Variants in DPP6 observed in about 807,000 individuals in gnomAD.
DPP6 encodes the protein dipeptidyl peptidase like 6, also known as A-type potassium channel modulatory protein DPP6.
Under a neutral mutation model 122.6 loss-of-function variants are expected in DPP6, and 69 were observed. That is an observed-to-expected ratio of 0.56 (90% CI 0.46 to 0.69). DPP6 has a LOEUF of 0.69. Among genes scored for constraint, DPP6 ranks in the 30% least tolerant of loss-of-function variants. DPP6 has a pLI of 0.00. For synonymous variants in DPP6, 418 were observed against 433.1 expected, an observed-to-expected ratio of 0.97 and a Z score of 0.43; for missense variants, 928 against 1,116.9, an observed-to-expected ratio of 0.83 and a Z score of 2.41.
chr7:153,806,193 C>T, the DPP6 span, among the ~76,000 whole-genome samples: 1 of 151,636 alleles, frequency 6.6e-6, no homozygotes, highest in Non-Finnish European at 1.5e-5. Flanking sequence ...CCTGTCCATT[C>T]AGCCAGAGTC....
At chr7:154,146,487 G>A (rs1318652583) in intron 1 of DPP6, among the ~76,000 whole-genome samples, 2 of 152,020 alleles carry the variant, frequency 1.3e-5, no homozygotes, top group African/African-American at 2.4e-5. Flanking sequence ...CAGTGAGTCC[G>A]GCAACCAACC....
intron 1 of DPP6, among the ~76,000 whole-genome samples, chr7:154,140,956 G>A (rs1795814566): frequency 2.0e-5 from 3 of 152,284 alleles, no homozygotes; most frequent in South Asian, 4.1e-4. Flanking sequence ...CTATGTAGAA[G>A]TCTATAAATT....
At chr7:153,776,334 T>A in the DPP6 span, among the ~76,000 whole-genome samples, 1 of 152,114 alleles carries the variant, frequency 6.6e-6, no homozygotes, top group East Asian at 1.9e-4. Context: ...GTCACTTCCA[T>A]GCTGTTCCCG....
At chr7:154,080,847 G>T (rs1481476521) in intron 1 of DPP6, among the ~76,000 whole-genome samples, 1 of 152,140 alleles carries the variant, frequency 6.6e-6, no homozygotes, top group Non-Finnish European at 1.5e-5. Context: ...TAGGAGGTCT[G>T]CATGGAACCT....
intron 10 of DPP6, among the ~76,000 whole-genome samples, chr7:154,782,592 T>C (rs1234147460): frequency 6.6e-6 from 1 of 152,078 alleles, no homozygotes; most frequent in African/African-American, 2.4e-5. Flanking sequence ...AAATAGCGCT[T>C]GGAGTTATTC....
intron 10 of DPP6, among the ~76,000 whole-genome samples, chr7:154,786,659 C>G (rs776352198): frequency 1.3e-5 from 2 of 152,150 alleles, no homozygotes; most frequent in Non-Finnish European, 2.9e-5. Context: ...AAATTTCTTT[C>G]CTTTATAAAT....
chr7:154,053,000 C>T lies in DPP6; in HGVS notation c.180C>T (p.Gly60=), dbSNP rs1196398696. ...CGCCCCGGGAGCGCGGCGGCGGCGG[C>T]GGCGGCGCGGGTGGCCGGCCCCGGT... ...AAAPRERGGG[G]GGAGGRPRFQ... The change falls in exon 1 of 26, where the codon GGC becomes GGT. Residue 60 remains glycine, a synonymous_variant. Transcript: ENST00000377770. This position sits in a 1 kb window ranked among gnomAD's most constrained non-coding sequence, Gnocchi z 4.8. 2 of 1,056,416 alleles carry T rather than the reference C, an allele frequency of 1.9e-6. No homozygotes were observed. Among genetic ancestry groups the T allele is most frequent in the Non-Finnish European group, 2.3e-6 (2 of 876,546 alleles). 65.4% of individuals were successfully genotyped at this position (1,056,416 alleles called of 1,614,324 possible).
At chr7:154,411,699 C>T (rs915212412) in intron 1 of DPP6, among the ~76,000 whole-genome samples, 15 of 152,128 alleles carry the variant, frequency 9.9e-5, no homozygotes, top group Admixed American at 4.6e-4. Context: ...TTAGGCTCAA[C>T]GATACTTCTT....
chr7:154,875,565 C>T lies in DPP6; in HGVS notation c.1884-341C>T, dbSNP rs1804777282. On this transcript the variant is annotated intron_variant, in intron 19 of 25. Transcript: ENST00000377770. The surrounding 1 kb of genome is among the most constrained non-coding windows in gnomAD (Gnocchi z 4.5). ...ACCCAGGAAAGAGAAACCTTCTTGCCGTGTAGGGAAGGTCCCCGCAGGGAG... is the reference window on the plus strand; with the variant it reads ...ACCCAGGAAAGAGAAACCTTCTTGCTGTGTAGGGAAGGTCCCCGCAGGGAG... Among the ~76,000 whole-genome samples the T allele has an allele frequency of 2.0e-5, 3 of 152,146 alleles. No individual in the cohort carries two copies. Among genetic ancestry groups the T allele is most frequent in the Non-Finnish European group, 2.9e-5 (2 of 68,032 alleles).
chr7:154,313,685 G>GTGTGTGTGTGTGTATGCATA, intron 1 of DPP6, among the ~76,000 whole-genome samples: 1 of 20,468 alleles, frequency 4.9e-5, no homozygotes, highest in Non-Finnish European at 1.1e-4. Flanking sequence ...TTAAGATATG[G>GTGTGTGTGTGTGTATGCATA]TATATATATA....
At chr7:154,470,793 C>T (rs530499160) in intron 2 of DPP6, among the ~76,000 whole-genome samples, 1 of 152,224 alleles carries the variant, frequency 6.6e-6, no homozygotes, top group South Asian at 2.1e-4. Flanking sequence ...TTCAGTGATC[C>T]CTGAATTGCC....
At chr7:154,021,958 TG>T (rs1283313015) in intron 1 of DPP6, among the ~76,000 whole-genome samples, 93 of 152,316 alleles carry the variant, frequency 6.1e-4, no homozygotes, top group Middle Eastern at 3.4e-3. Flanking sequence ...GGCATCCCAT[TG>T]GCCGGTCAAG....
intron 1 of DPP6, among the ~76,000 whole-genome samples, chr7:154,238,156 A>G (rs1303167665): frequency 6.6e-6 from 1 of 152,222 alleles, no homozygotes; most frequent in Non-Finnish European, 1.5e-5. Context: ...TCCGAATTGC[A>G]ATATTGATCT....
At chr7:154,883,383 CCTGCT>C in intron 21 of DPP6, among the ~76,000 whole-genome samples, 1 of 118,902 alleles carries the variant, frequency 8.4e-6, no homozygotes, top group East Asian at 4.0e-4. Flanking sequence ...ATTACATACA[CCTGCT>C]CACACACACA....
In DPP6 at chr7:154,749,152, A is replaced by G. The variant is rs540995432; in HGVS notation, c.884-20265A>G. ...AGAGAAGGATGGCGGCTTTACTGAG[A>G]GAGGGTGAGGGAGCATAGGACAGGA... is the stretch of plus-strand genomic sequence containing the variant. On this transcript the variant is annotated intron_variant, in intron 8 of 25. Coordinates refer to ENST00000377770, the MANE Select transcript of DPP6 (RefSeq NM_130797.4). Among the ~76,000 whole-genome samples the G allele has an allele frequency of 2.0e-3, 296 of 147,826 alleles. 4 individuals carry two copies. The highest frequency in any genetic ancestry group is 1.0e-3 in the East Asian group (5 of 4,902).
chr7:153,974,177 C>T (rs1796177444), intron 1 of DPP6, among the ~76,000 whole-genome samples: 1 of 152,148 alleles, frequency 6.6e-6, no homozygotes, highest in Admixed American at 6.5e-5. Context: ...CTATTTAAGG[C>T]ACTGCAGGAT....
intron 1 of DPP6, among the ~76,000 whole-genome samples, chr7:153,910,299 G>A (rs1444811733): frequency 6.7e-6 from 1 of 149,290 alleles, no homozygotes; most frequent in Non-Finnish European, 1.5e-5. Context: ...GTGCAATCTC[G>A]GCTCACTGCA....
chr7:154,624,342 A>AT lies in DPP6; in HGVS notation c.628-13478dup, dbSNP rs369472024. Reference sequence around the variant, plus strand: ...ACTCCATCTTAAAAAAAAAAAAAAAATCAGCTTGGTGTGGTGGTAGGTGCC... The same window carrying AT: ...ACTCCATCTTAAAAAAAAAAAAAAAATTCAGCTTGGTGTGGTGGTAGGTGCC... On this transcript the variant is annotated intron_variant, in intron 5 of 25. Coordinates refer to ENST00000377770, the MANE Select transcript of DPP6 (RefSeq NM_130797.4). The surrounding 1 kb of genome is among the most constrained non-coding windows in gnomAD (Gnocchi z 4.7). Among the ~76,000 whole-genome samples the AT allele has an allele frequency of 1.3e-5, 2 of 150,406 alleles. No individual in the cohort carries two copies. Among genetic ancestry groups the AT allele is most frequent in the African/African-American group, 2.4e-5 (1 of 40,848 alleles).
intron 1 of DPP6, among the ~76,000 whole-genome samples, chr7:154,404,817 T>C (rs1815934315): frequency 6.6e-6 from 1 of 152,210 alleles, no homozygotes; most frequent in Non-Finnish European, 1.5e-5. Context: ...TATGCTCTGA[T>C]ACAGAAATTC....
Sources: gnomAD v4.1 joint callset for allele counts (sites outside exome capture counted in the v4.1 genomes callset) on GRCh38, gnomAD v4.1.1 for gene constraint, Gnocchi (gnomAD v3.1) non-coding constraint, MANE v1.5 for transcripts, NCBI Gene and HGNC (gene_info 2026-07-23, HGNC 2026-07-21) for gene names.